Variants in NAALADL2 observed in about 807,000 individuals in gnomAD.
The protein encoded by NAALADL2 is inactive N-acetylated-alpha-linked acidic dipeptidase-like protein 2.
In NAALADL2, 76 loss-of-function variants were observed where a neutral mutation model predicts 87.2. That is an observed-to-expected ratio of 0.87 (90% CI 0.72 to 1.05). The LOEUF (loss-of-function observed/expected upper bound fraction) is 1.05. NAALADL2 is among the 50% of genes least tolerant of loss of function. The pLI, the probability that NAALADL2 is intolerant of heterozygous loss-of-function variation, is 0.00. For synonymous variants in NAALADL2, 354 were observed against 331.0 expected, an observed-to-expected ratio of 1.07 and a Z score of -0.75; for missense variants, 1,089 against 945.8, an observed-to-expected ratio of 1.15 and a Z score of -1.99.
chr3:175,244,572 C>T (rs544154772), intron 3 of NAALADL2, among the ~76,000 whole-genome samples: 4 of 151,984 alleles, frequency 2.6e-5, no homozygotes, highest in South Asian at 2.1e-4. Flanking sequence ...AAATTTTATC[C>T]GTATCCAATC....
At chr3:174,886,800 A>C (rs1730206333) in intron 1 of NAALADL2, among the ~76,000 whole-genome samples, 1 of 152,188 alleles carries the variant, frequency 6.6e-6, no homozygotes, top group African/African-American at 2.4e-5. Flanking sequence ...TTTAAATGTA[A>C]ATCTTAATTG....
At chr3:175,124,805 T>A (rs9832530) in intron 2 of NAALADL2, among the ~76,000 whole-genome samples, 91,811 of 151,784 alleles carry the variant, frequency 0.6, 28,290 homozygotes, top group African/African-American at 0.73. Flanking sequence ...AGCTATTTGG[T>A]GAGAGTATTG....
At chr3:174,588,281 C>T (rs1365730110) in intron 2 of NAALADL2, among the ~76,000 whole-genome samples, 1 of 152,046 alleles carries the variant, frequency 6.6e-6, no homozygotes, top group Non-Finnish European at 1.5e-5. Context: ...CTAATTTTTT[C>T]AAGGTTTTTA....
Position 175,447,385 on chromosome 3 carries a change from A to G in NAALADL2, c.1234+13A>G, listed in dbSNP as rs1347539053. ...CTTCCAAATAATGGTAAAGTATTTAATGTCGTTCTCTGTATTTTACAGTTT... is the reference window on the plus strand; with the variant it reads ...CTTCCAAATAATGGTAAAGTATTTAGTGTCGTTCTCTGTATTTTACAGTTT... On this transcript the variant is annotated intron_variant, in intron 6 of 13. Coordinates refer to ENST00000454872, the MANE Select transcript of NAALADL2 (RefSeq NM_207015.3). 2 of 1,531,652 alleles carry G rather than the reference A, an allele frequency of 1.3e-6. No individual in the cohort carries two copies. The highest frequency in any genetic ancestry group is 4.6e-5 in the Admixed American group (2 of 43,910). The allele number at this position is 1,531,652 out of a possible 1,614,324, so 94.9% of individuals were successfully genotyped here. A position where few individuals can be genotyped will look rare whatever the true frequency, so the allele number is the denominator to read the frequency against.
intron 5 of NAALADL2, among the ~76,000 whole-genome samples, chr3:175,439,212 G>A (rs993401390): frequency 6.6e-6 from 1 of 151,946 alleles, no homozygotes; most frequent in African/African-American, 2.4e-5. Context: ...AGTATTCCGT[G>A]GTATACACAT....
chr3:175,376,404 C>T (rs962101169), intron 5 of NAALADL2, among the ~76,000 whole-genome samples: 1 of 151,880 alleles, frequency 6.6e-6, no homozygotes, highest in Non-Finnish European at 1.5e-5. Flanking sequence ...ATATAGAAGG[C>T]CTTTTTCCTT....
chr3:174,770,420 T>C (rs1318048623), intron 3 of NAALADL2, among the ~76,000 whole-genome samples: 1 of 152,254 alleles, frequency 6.6e-6, no homozygotes, highest in African/African-American at 2.4e-5. Flanking sequence ...ATTCTGTTAC[T>C]TCTCATTTGT....
chr3:175,291,690 A>G (rs1322815627), intron 4 of NAALADL2, among the ~76,000 whole-genome samples: 2 of 152,176 alleles, frequency 1.3e-5, no homozygotes, highest in Non-Finnish European at 2.9e-5. Context: ...AGACTCCTGA[A>G]TATTCCTTGG....
intron 10 of NAALADL2, among the ~76,000 whole-genome samples, chr3:175,579,740 C>G (rs1010392572): frequency 6.6e-6 from 1 of 152,158 alleles, no homozygotes; most frequent in Non-Finnish European, 1.5e-5. Flanking sequence ...AAGACAGATG[C>G]TTTCTGATTA....
chr3:174,769,297 T>G (rs575400984), intron 3 of NAALADL2, among the ~76,000 whole-genome samples: 82 of 152,138 alleles, frequency 5.4e-4, no homozygotes, highest in African/African-American at 1.9e-3. Flanking sequence ...CAGGTATAGT[T>G]TTTTTTCTGT....
At chr3:174,810,130 G>A (rs1720001666) in intron 3 of NAALADL2, among the ~76,000 whole-genome samples, 1 of 152,142 alleles carries the variant, frequency 6.6e-6, no homozygotes, top group Non-Finnish European at 1.5e-5. Context: ...CCATTCTCAT[G>A]TATTCCTTTA....
At chr3:175,464,527 G>C (rs1347347298) in intron 7 of NAALADL2, among the ~76,000 whole-genome samples, 1 of 151,942 alleles carries the variant, frequency 6.6e-6, no homozygotes, top group African/African-American at 2.4e-5. Flanking sequence ...ACATATTACT[G>C]TCTAATGTGC....
chr3:174,590,633 G>A (rs76226253), intron 2 of NAALADL2, among the ~76,000 whole-genome samples: 3,020 of 152,172 alleles, frequency 0.02, 57 homozygotes, highest in Non-Finnish European at 0.027. Flanking sequence ...CCTTTCAGTA[G>A]TAAAACATTA....
chr3:174,834,660 C>T (rs967482474), intron 3 of NAALADL2, among the ~76,000 whole-genome samples: 3 of 151,564 alleles, frequency 2.0e-5, no homozygotes, highest in Admixed American at 1.3e-4. Flanking sequence ...TAGTAAAATA[C>T]TATTAAAAAC....
chr3:175,705,510 A>C (rs996551442), intron 11 of NAALADL2, among the ~76,000 whole-genome samples: 2 of 151,660 alleles, frequency 1.3e-5, no homozygotes, highest in African/African-American at 4.9e-5. Flanking sequence ...TGCTTTTCTC[A>C]TCCTAAAGAA....
intron 3 of NAALADL2, among the ~76,000 whole-genome samples, chr3:174,748,010 A>G (rs965682777): frequency 6.6e-6 from 1 of 152,158 alleles, no homozygotes; most frequent in African/African-American, 2.4e-5. Context: ...TGTTCTTTGC[A>G]AGGACGTGGG....
At chr3:175,004,582 G>A (rs12633260) in intron 1 of NAALADL2, among the ~76,000 whole-genome samples, 11,925 of 151,702 alleles carry the variant, frequency 0.079, 521 homozygotes, top group East Asian at 0.11. Context: ...TTACGTGTGA[G>A]GAAGTATAAG....
intron 5 of NAALADL2, among the ~76,000 whole-genome samples, chr3:175,350,603 C>G (rs1189453763): frequency 6.6e-6 from 1 of 152,108 alleles, no homozygotes; most frequent in Admixed American, 6.6e-5. Flanking sequence ...TTAGGCGTCT[C>G]TTTTTCTCCT....
intron 2 of NAALADL2, among the ~76,000 whole-genome samples, chr3:175,120,115 G>T (rs1725934933): frequency 1.3e-5 from 2 of 151,544 alleles, no homozygotes; most frequent in East Asian, 3.9e-4. Context: ...AGCAGTGGAT[G>T]CAGAAGTAAG....
Sources: gnomAD v4.1 joint callset for allele counts (sites outside exome capture counted in the v4.1 genomes callset) on GRCh38, gnomAD v4.1.1 for gene constraint, MANE v1.5 for transcripts, NCBI Gene and HGNC (gene_info 2026-07-23, HGNC 2026-07-21) for gene names.